The following WIPF3 variants were observed in gnomAD, a reference collection of about 807,000 sequenced individuals.
WIPF3 encodes the protein WAS/WASL interacting protein family member 3, also known as WAS/WASL-interacting protein family member 3.
Under a neutral mutation model 38.9 loss-of-function variants are expected in WIPF3, and 33 were observed. That is an observed-to-expected ratio of 0.85 (90% CI 0.64 to 1.14). The LOEUF (loss-of-function observed/expected upper bound fraction) is 1.14. WIPF3 is among the 50% of genes most tolerant of loss of function. WIPF3 has a pLI of 0.00. For missense variants in WIPF3, 711 were observed against 652.5 expected, an observed-to-expected ratio of 1.09 and a Z score of -0.98; for synonymous variants, 324 against 269.3, an observed-to-expected ratio of 1.20 and a Z score of -1.99.
At chr7:29,889,460 G>A in intron 7 of WIPF3, 53 bp downstream of exon 7, 1 of 1,343,548 alleles carries the variant, frequency 7.4e-7, no homozygotes, top group Non-Finnish European at 1.1e-6. Context: ...TCAAAATTAG[G>A]TGCCCACTGT....
intron 8 of WIPF3, among the ~76,000 whole-genome samples, chr7:29,907,708 A>G (rs544128895): frequency 2.2e-4 from 33 of 152,310 alleles, no homozygotes; most frequent in African/African-American, 7.7e-4. Flanking sequence ...CCCTCACAAG[A>G]CACCATATCT....
At chr7:29,907,799 T>C (rs953213742) in intron 8 of WIPF3, among the ~76,000 whole-genome samples, 1 of 152,216 alleles carries the variant, frequency 6.6e-6, no homozygotes, top group Non-Finnish European at 1.5e-5. Flanking sequence ...TTACTCAGTG[T>C]AAGATGCTTT....
intron 7 of WIPF3, among the ~76,000 whole-genome samples, chr7:29,903,744 G>T (rs756408466): frequency 1.3e-4 from 20 of 152,176 alleles, no homozygotes; most frequent in Non-Finnish European, 2.6e-4. Context: ...TTTAGCCATG[G>T]TGACTCTGGG....
At chr7:29,875,076 A>G (rs1236782046) in intron 2 of WIPF3, among the ~76,000 whole-genome samples, 1 of 152,110 alleles carries the variant, frequency 6.6e-6, no homozygotes, top group Non-Finnish European at 1.5e-5. Context: ...GTGAGGACTA[A>G]TGTAACACAC....
chr7:29,811,151 A>G (rs1287189363), intron 1 of WIPF3, among the ~76,000 whole-genome samples: 1 of 152,064 alleles, frequency 6.6e-6, no homozygotes, highest in Non-Finnish European at 1.5e-5. Context: ...TCAGCCTCCC[A>G]AAGTGCTGGG....
chr7:29,846,461 G>A (rs1785002424), intron 2 of WIPF3, among the ~76,000 whole-genome samples: 1 of 152,234 alleles, frequency 6.6e-6, no homozygotes, highest in South Asian at 2.1e-4. Flanking sequence ...AACACTTTGG[G>A]AGGCCCAGGC....
At chr7:29,912,862 T>TA (rs1160688540) in intron 8 of WIPF3, among the ~76,000 whole-genome samples, 1 of 152,180 alleles carries the variant, frequency 6.6e-6, no homozygotes. Flanking sequence ...CCTAAGTACT[T>TA]ACGGTAGTAG....
In WIPF3 at chr7:29,822,123, GT is replaced by G; in HGVS notation, c.-57-12524del. Among the ~76,000 whole-genome samples, 617 of 62,822 alleles carry G rather than the reference GT, an allele frequency of 9.8e-3. 9 individuals are homozygous for G. Among genetic ancestry groups the G allele is most frequent in the East Asian group, 0.044 (98 of 2,242 alleles). 41.2% of individuals were successfully genotyped at this position (62,822 alleles called of 152,430 possible). A position where few individuals can be genotyped will look rare whatever the true frequency, so the allele number is the denominator to read the frequency against. On this transcript the variant is annotated intron_variant, in intron 1 of 8. Transcript: ENST00000242140. ...TATTCCTTTCCTTACTTTTTTCTTA[GT>G]TTTTTTTTTTTTTTTTTTTTGGTAT...
intron 1 of WIPF3, among the ~76,000 whole-genome samples, chr7:29,825,334 TTAAAA>T (rs767002746): frequency 6.6e-6 from 1 of 152,136 alleles, no homozygotes; most frequent in African/African-American, 2.4e-5. Context: ...ACCCCAGAAA[TTAAAA>T]TAAAAGTTGA....
At chr7:29,852,908 A>G (rs1228817559) in intron 2 of WIPF3, among the ~76,000 whole-genome samples, 1 of 152,180 alleles carries the variant, frequency 6.6e-6, no homozygotes, top group East Asian at 1.9e-4. Context: ...ATCCTCTAAC[A>G]TTTTGCTGTC....
At chr7:29,851,829 C>T (rs1319078769) in intron 2 of WIPF3, among the ~76,000 whole-genome samples, 1 of 152,220 alleles carries the variant, frequency 6.6e-6, no homozygotes, top group Non-Finnish European at 1.5e-5. Flanking sequence ...CTTCACCCTT[C>T]AGGCCCCACA....
In WIPF3 at chr7:29,878,256, C is replaced by T. The variant is rs1234163131; in HGVS notation, c.224-753C>T. Among the ~76,000 whole-genome samples the T allele has an allele frequency of 2.0e-5, 3 of 152,234 alleles. No individual in the cohort carries two copies. The highest frequency in any genetic ancestry group is 4.4e-5 in the Non-Finnish European group (3 of 68,042). ...ATACTCAGAATAATCTGGCCACTTTCATCCACCAGTGGGCACTGTGCCCTA... is the reference window on the plus strand; with the variant it reads ...ATACTCAGAATAATCTGGCCACTTTTATCCACCAGTGGGCACTGTGCCCTA... On this transcript the variant is annotated intron_variant, in intron 3 of 8. Coordinates refer to ENST00000242140, the MANE Select transcript of WIPF3 (RefSeq NM_001080529.3). The surrounding 1 kb of genome is among the most constrained non-coding windows in gnomAD (Gnocchi z 4.0).
Position 29,884,506 on chromosome 7 carries a change from C to T in WIPF3, c.1012C>T (p.Gln338Ter), listed in dbSNP as rs1408159583. ...ATCCCCCAGCTTCCAGGCCCCACCGCAGAAGGCCGGTGCGCAGGCCTTGCC... is the reference window on the plus strand; with the variant it reads ...ATCCCCCAGCTTCCAGGCCCCACCGTAGAAGGCCGGTGCGCAGGCCTTGCC... ...PKSPSFQAPPQKAGAQALPAP... is the reference protein window; with the variant it reads ...PKSPSFQAPP The change falls in exon 5 of 9, where the codon CAG (glutamine) becomes TAG (stop). Residue 338 changes from glutamine (Q) to a stop codon, truncating the protein, a stop_gained. Transcript: ENST00000242140. LOFTEE classifies it high-confidence loss of function. 6.3e-7 allele frequency: 1 copy of T among 1,579,706 alleles called. No homozygotes were observed. The highest frequency in any genetic ancestry group is 1.2e-5 in the South Asian group (1 of 86,058).
intron 3 of WIPF3, among the ~76,000 whole-genome samples, chr7:29,876,576 T>C (rs985825030): frequency 2.6e-5 from 4 of 152,368 alleles, no homozygotes; most frequent in Non-Finnish European, 2.9e-5. Context: ...CCTTTTATCA[T>C]TGAATATTTA....
chr7:29,898,399 ACT>A (rs558900742), intron 7 of WIPF3, among the ~76,000 whole-genome samples: 13 of 152,212 alleles, frequency 8.5e-5, no homozygotes, highest in Admixed American at 3.9e-4. Flanking sequence ...GCCCTAAGCC[ACT>A]GTCATTCCTC....
intron 2 of WIPF3, among the ~76,000 whole-genome samples, chr7:29,855,785 A>AT (rs750874147): frequency 6.6e-6 from 1 of 152,010 alleles, no homozygotes; most frequent in Non-Finnish European, 1.5e-5. Flanking sequence ...CTTTGTCTCC[A>AT]TTTTTTCTCA....
chr7:29,827,137 C>T (rs6971126), intron 1 of WIPF3, among the ~76,000 whole-genome samples: 47,103 of 151,990 alleles, frequency 0.31, 8,291 homozygotes, highest in Middle Eastern at 0.46. Context: ...GTGATTTTTT[C>T]ATCAGATTTC....
intron 7 of WIPF3, among the ~76,000 whole-genome samples, chr7:29,902,695 G>T (rs1786311782): frequency 6.6e-6 from 1 of 151,734 alleles, no homozygotes; most frequent in Non-Finnish European, 1.5e-5. Context: ...AAAAAAATTA[G>T]CCAGGCATGG....
intron 1 of WIPF3, among the ~76,000 whole-genome samples, chr7:29,821,298 G>T (rs570783627): frequency 5.3e-5 from 8 of 151,926 alleles, no homozygotes; most frequent in East Asian, 3.9e-4. Flanking sequence ...TTAATAAATT[G>T]ATTTATTTAT....
Sources: allele counts gnomAD v4.1 joint callset (sites outside exome capture counted in the v4.1 genomes callset), GRCh38; gene constraint gnomAD v4.1.1; non-coding constraint Gnocchi (gnomAD v3.1); transcripts MANE v1.5; gene names NCBI Gene and HGNC (gene_info 2026-07-23, HGNC 2026-07-21).